The following NTF3 variants were observed in gnomAD, a reference collection of about 807,000 sequenced individuals.
NTF3 encodes neurotrophin 3.
NTF3 carries 8 observed loss-of-function variants against 26.3 expected under a neutral mutation model. The ratio of observed to expected loss-of-function variants is 0.30; its 90% CI spans 0.18 to 0.55. The LOEUF (loss-of-function observed/expected upper bound fraction) is 0.55. Among genes scored for constraint, NTF3 ranks in the 20% least tolerant of loss-of-function variants. The probability of loss-of-function intolerance (pLI) is 0.93; values close to 1 mark genes in which losing one functional copy is unlikely to be tolerated. For missense variants in NTF3, 276 were observed against 352.9 expected, an observed-to-expected ratio of 0.78 and a Z score of 1.75; for synonymous variants, 154 against 145.5, an observed-to-expected ratio of 1.06 and a Z score of -0.42.
At chr12:5,478,529 T>C (rs1465860806) in intron 1 of NTF3, among the ~76,000 whole-genome samples, 1 of 152,276 alleles carries the variant, frequency 6.6e-6, no homozygotes, top group Non-Finnish European at 1.5e-5. Context: ...GGGTCACTCA[T>C]GGCTCATACG....
rs1368922097 is a variant in NTF3 at position 5,488,455 on chromosome 12, C to T, written c.19-5739C>T. On this transcript the variant is annotated intron_variant, in intron 1 of 1. Coordinates refer to ENST00000423158, the MANE Select transcript of NTF3 (RefSeq NM_001102654.2). Reference sequence around the variant, plus strand: ...GACCAATCCCCAGCGGAGGCTCCACCAGGATCTCTCTCTCCCAGCTCTCAG... The same window carrying T: ...GACCAATCCCCAGCGGAGGCTCCACTAGGATCTCTCTCTCCCAGCTCTCAG... 6.6e-5 allele frequency among the ~76,000 whole-genome samples: 10 copies of T among 152,170 alleles called. 1 individual carries two copies. The highest frequency in any genetic ancestry group is 1.2e-4 in the Non-Finnish European group (8 of 68,030).
Position 5,433,011 on chromosome 12 carries a change from C to G in NTF3, c.18+669C>G, listed in dbSNP as rs1432636532. On this transcript the variant is annotated intron_variant, in intron 1 of 1. Transcript: ENST00000423158. The surrounding 1 kb of genome is among the most constrained non-coding windows in gnomAD (Gnocchi z 4.6). ...GCGCAGCTCAGGACCCGGAACCTCG[C>G]GTTCCAGTTTTGGGAGTTGGGACTC... is the stretch of plus-strand genomic sequence containing the variant. 1 of 152,240 alleles carries G rather than the reference C, an allele frequency of 6.6e-6. No homozygotes were observed. The highest frequency in any genetic ancestry group is 2.4e-5 in the African/African-American group (1 of 41,440). 9.4% of individuals were successfully genotyped at this position (152,240 alleles called of 1,614,324 possible).
rs1264846007 is a variant in NTF3, at chr12:5,434,288, GA to G, written c.18+1948del. ...AATGCAGGCTCCGGTAGACAGTGTT[GA>G]AGGGAGATAGAAAGTCTGGGGTATT... On this transcript the variant is annotated intron_variant, in intron 1 of 1. Transcript: ENST00000423158. Among the ~76,000 whole-genome samples the G allele has an allele frequency of 3.2e-4, 48 of 152,318 alleles. 1 individual carries two copies. The highest frequency in any genetic ancestry group is 1.1e-3 in the African/African-American group (44 of 41,572).
At chr12:5,481,866 C>CATAA (rs1418515095) in intron 1 of NTF3, among the ~76,000 whole-genome samples, 5 of 150,700 alleles carry the variant, frequency 3.3e-5, no homozygotes, top group African/African-American at 1.2e-4. Context: ...CAAAAACATA[C>CATAA]ACAGACATCA....
intron 1 of NTF3, among the ~76,000 whole-genome samples, chr12:5,469,471 G>C (rs778256057): frequency 2.0e-5 from 3 of 152,136 alleles, no homozygotes; most frequent in Admixed American, 6.5e-5. Flanking sequence ...TAGGGGCCCA[G>C]GTCACAATCA....
intron 1 of NTF3, among the ~76,000 whole-genome samples, chr12:5,451,193 G>A (rs1940368319): frequency 6.6e-6 from 1 of 152,164 alleles, no homozygotes; most frequent in East Asian, 1.9e-4. Flanking sequence ...ACTACCTTAT[G>A]GGATTGTACC....
At chr12:5,436,727 C>T (rs1490255171) in intron 1 of NTF3, among the ~76,000 whole-genome samples, 5 of 152,212 alleles carry the variant, frequency 3.3e-5, no homozygotes, top group African/African-American at 1.2e-4. Flanking sequence ...CACAGCATCT[C>T]TACTGCTCAC....
At chr12:5,434,971 C>T (rs1273900536) in intron 1 of NTF3, among the ~76,000 whole-genome samples, 1 of 152,036 alleles carries the variant, frequency 6.6e-6, no homozygotes, top group East Asian at 1.9e-4. Context: ...AAAGACAAAG[C>T]ATTTGCAGGG....
At chr12:5,448,056 C>T (rs565197382) in intron 1 of NTF3, among the ~76,000 whole-genome samples, 19 of 152,316 alleles carry the variant, frequency 1.2e-4, no homozygotes, top group African/African-American at 3.8e-4. Flanking sequence ...CTACTTCGTC[C>T]CCAGCTGCTC....
intron 1 of NTF3, among the ~76,000 whole-genome samples, chr12:5,485,427 T>C (rs34368187): frequency 0.43 from 65,801 of 151,778 alleles, 14,262 homozygotes; most frequent in South Asian, 0.51. Context: ...CCTGGCTCTG[T>C]CTCTCAATTG....
intron 1 of NTF3, among the ~76,000 whole-genome samples, chr12:5,481,483 G>GCACACAGT (rs1555072874): frequency 1.3e-4 from 2 of 15,100 alleles, no homozygotes; most frequent in Non-Finnish European, 3.1e-4. Flanking sequence ...ACACATACAT[G>GCACACAGT]CACACCACAG....
At position 5,494,708 on chromosome 12, in the gene NTF3, C is replaced by A; in HGVS notation, c.533C>A (p.Ala178Asp). 6.2e-7 allele frequency: 1 copy of A among 1,614,142 alleles called. No homozygotes were observed. Among genetic ancestry groups the A allele is most frequent in the South Asian group, 1.1e-5 (1 of 91,072 alleles). Residue 178 changes from alanine to aspartate, a missense_variant, in exon 2 of 2, where the codon GCC (alanine) becomes GAC (aspartate). By Grantham distance (126) the Ala-to-Asp change is moderately radical. This residue lies in a region of NTF3 where 221 missense variants were observed against 258.2 expected (regional missense o/e 0.86). Coordinates refer to ENST00000423158, the MANE Select transcript of NTF3 (RefSeq NM_001102654.2). This position sits in a 1 kb window ranked among gnomAD's most constrained non-coding sequence, Gnocchi z 8.3. ...ESLWVTDKSS[A>D]IDIRGHQVTV... is the part of the protein sequence containing the mutation. ...CTGTGGGTGACCGACAAGTCATCGG[C>A]CATCGACATTCGGGGACACCAGGTC...
intron 1 of NTF3, among the ~76,000 whole-genome samples, chr12:5,466,683 G>A (rs1231419254): frequency 2.6e-5 from 4 of 152,182 alleles, no homozygotes; most frequent in Admixed American, 2.6e-4. Flanking sequence ...AATACTATTT[G>A]CTTTTTATAT....
intron 1 of NTF3, among the ~76,000 whole-genome samples, chr12:5,484,182 C>T (rs917028492): frequency 2.0e-5 from 3 of 152,166 alleles, no homozygotes; most frequent in Non-Finnish European, 4.4e-5. Flanking sequence ...GGCTTGGTTC[C>T]AGCTCTTGTA....
chr12:5,462,634 T>G (rs1940538632), intron 1 of NTF3, among the ~76,000 whole-genome samples: 1 of 152,240 alleles, frequency 6.6e-6, no homozygotes, highest in Non-Finnish European at 1.5e-5. Context: ...TCACCTTTGC[T>G]TCTTTTAACA....
At chr12:5,438,826 G>A (rs1940204402) in intron 1 of NTF3, among the ~76,000 whole-genome samples, 1 of 152,188 alleles carries the variant, frequency 6.6e-6, no homozygotes, top group Non-Finnish European at 1.5e-5. Flanking sequence ...TGAAGGGCTT[G>A]AATTAGAAGA....
chr12:5,483,457 G>C (rs1414054269), intron 1 of NTF3, among the ~76,000 whole-genome samples: 1 of 152,154 alleles, frequency 6.6e-6, no homozygotes, highest in Non-Finnish European at 1.5e-5. Flanking sequence ...TCCAGGTACT[G>C]AATGAGGCCC....
chr12:5,432,066 G>A, upstream of NTF3: 1 of 451,950 alleles, frequency 2.2e-6, no homozygotes, highest in Non-Finnish European at 4.1e-6. Context: ...GAGCCATCTG[G>A]CCGGGTTGGC....
Position 5,432,226 on chromosome 12 carries a change from G to A in NTF3, c.-99G>A. The A allele has an allele frequency of 7.6e-7, 1 of 1,311,216 alleles. No individual in the cohort carries two copies. Among genetic ancestry groups the A allele is most frequent in the Non-Finnish European group, 1.1e-6 (1 of 905,666 alleles). The allele number at this position is 1,311,216 out of a possible 1,614,324, so 81.2% of individuals were successfully genotyped here. Reference sequence around the variant, plus strand: ...TCTTCCTCTCCTTTTTCCCCTGCTGGGTAGTGGCTGCGGCGGGGTGGGGGA... The same window carrying A: ...TCTTCCTCTCCTTTTTCCCCTGCTGAGTAGTGGCTGCGGCGGGGTGGGGGA... On this transcript the variant is annotated 5_prime_UTR_variant, in exon 1 of 2. Transcript: ENST00000423158.
Sources: gnomAD v4.1 joint callset for allele counts (sites outside exome capture counted in the v4.1 genomes callset) on GRCh38, gnomAD v4.1.1 for gene constraint, gnomAD v4.1.1 regional missense constraint, Gnocchi (gnomAD v3.1) non-coding constraint, MANE v1.5 for transcripts, NCBI Gene and HGNC (gene_info 2026-07-23, HGNC 2026-07-21) for gene names.